The following LRGUK variants were observed in gnomAD, a reference collection of about 807,000 sequenced individuals.
The protein encoded by LRGUK is leucine-rich repeat and guanylate kinase domain-containing protein.
Under a neutral mutation model 76.0 loss-of-function variants are expected in LRGUK, and 65 were observed. The ratio of observed to expected loss-of-function variants is 0.85; its 90% CI spans 0.70 to 1.05. The LOEUF (loss-of-function observed/expected upper bound fraction) is 1.05. Ranked by LOEUF, LRGUK falls within the 50% of genes least tolerant of loss-of-function variation. The probability of loss-of-function intolerance (pLI) is 0.00; values close to 1 mark genes in which losing one functional copy is unlikely to be tolerated. For missense variants in LRGUK, 758 were observed against 732.8 expected, an observed-to-expected ratio of 1.03 and a Z score of -0.40; for synonymous variants, 268 against 265.6, an observed-to-expected ratio of 1.01 and a Z score of -0.09.
chr7:134,198,023 T>G lies in LRGUK; in HGVS notation c.1545+918T>G, dbSNP rs750405801. 3.5e-4 allele frequency among the ~76,000 whole-genome samples: 53 copies of G among 152,218 alleles called. 3 individuals carry two copies. Among genetic ancestry groups the G allele is most frequent in the Non-Finnish European group, 2.9e-5 (2 of 68,040 alleles). On this transcript the variant is annotated intron_variant, in intron 13 of 15. Coordinates refer to ENST00000645682, the Ensembl canonical transcript of LRGUK. ...GATGTCAACTCTGAATCTTTCTTTTTTCCTTTGTGACTTCACACAGTAGGA... is the reference window on the plus strand; with the variant it reads ...GATGTCAACTCTGAATCTTTCTTTTGTCCTTTGTGACTTCACACAGTAGGA...
chr7:134,198,186 G>A (rs921938288), intron 13 of LRGUK, among the ~76,000 whole-genome samples: 4 of 152,142 alleles, frequency 2.6e-5, no homozygotes, highest in South Asian at 2.1e-4. Context: ...GTATCTTTAA[G>A]GAATGTTTTC....
intron 12 of LRGUK, among the ~76,000 whole-genome samples, chr7:134,194,430 A>G (rs928126364): frequency 6.6e-6 from 1 of 152,294 alleles, no homozygotes; most frequent in South Asian, 2.1e-4. Flanking sequence ...AGAGAAACAG[A>G]ATCAATAGGA....
intron 16 of LRGUK, among the ~76,000 whole-genome samples, chr7:134,232,809 A>G (rs1801933454): frequency 6.6e-6 from 1 of 152,104 alleles, no homozygotes; most frequent in African/African-American, 2.4e-5. Flanking sequence ...TATCCAATTT[A>G]CTCATTTTCT....
In LRGUK at chr7:134,174,610, C is replaced by T; in HGVS notation, c.994C>T (p.Leu332Phe). The T allele has an allele frequency of 1.9e-6, 3 of 1,604,092 alleles. 1 individual carries two copies. In the East Asian group the frequency reaches 6.7e-5, roughly 36 times the overall value. Reference sequence around the variant, plus strand: ...TAAAAATTTACCCATCCTTCGAGTTCTCAATCTTCTAGAAAATCCAATTCA... The same window carrying T: ...TAAAAATTTACCCATCCTTCGAGTTTTCAATCTTCTAGAAAATCCAATTCA... The change falls in exon 8 of 16, where the codon CTC (leucine) becomes TTC (phenylalanine). Residue 332 changes from leucine to phenylalanine, a missense_variant. By Grantham distance (22) the Leu-to-Phe change is conservative. Coordinates refer to ENST00000645682, the Ensembl canonical transcript of LRGUK.
chr7:134,211,524 A>G (rs1801270523), downstream of LRGUK, among the ~76,000 whole-genome samples: 2 of 152,234 alleles, frequency 1.3e-5, no homozygotes, highest in South Asian at 2.1e-4. Context: ...GGAAGAAGAC[A>G]TATTTTGCAT....
At position 134,131,388 on chromosome 7, in the gene LRGUK, C is replaced by A. The variant is rs73454637; in HGVS notation, c.297+3724C>A. Among the ~76,000 whole-genome samples the A allele has an allele frequency of 4.0e-3, 602 of 152,316 alleles. 3 individuals are homozygous for A. The highest frequency in any genetic ancestry group is 0.014 in the African/African-American group (589 of 41,560). Reference sequence around the variant, plus strand: ...AAGTGAGATAAGAATGCGAGTAAATCATAGCAATTCAGCATACCTGTAGTA... The same window carrying A: ...AAGTGAGATAAGAATGCGAGTAAATAATAGCAATTCAGCATACCTGTAGTA... On this transcript the variant is annotated intron_variant, in intron 1 of 15. Coordinates refer to ENST00000645682, the Ensembl canonical transcript of LRGUK.
chr7:134,175,331 T>C (rs907457798), intron 8 of LRGUK, among the ~76,000 whole-genome samples: 1 of 152,232 alleles, frequency 6.6e-6, no homozygotes, highest in Non-Finnish European at 1.5e-5. Flanking sequence ...CATGTAGCTC[T>C]TAGTAACTTT....
intron 7 of LRGUK, among the ~76,000 whole-genome samples, chr7:134,174,205 G>A (rs150716857): frequency 6.6e-5 from 10 of 152,152 alleles, no homozygotes; most frequent in Non-Finnish European, 8.8e-5. Context: ...TAGGAATGGC[G>A]GTGGGGTGGG....
At chr7:134,235,864 G>A (rs1802001690) in intron 16 of LRGUK, among the ~76,000 whole-genome samples, 1 of 152,056 alleles carries the variant, frequency 6.6e-6, no homozygotes. Flanking sequence ...GATTAAAGGG[G>A]TTAGTTGACA....
At chr7:134,191,855 G>T in intron 12 of LRGUK, 104 bp downstream of exon 12, 4 of 801,182 alleles carry the variant, frequency 5.0e-6, no homozygotes, top group Non-Finnish European at 7.6e-6. Context: ...TAAATTTTGT[G>T]CTTGTTATGA....
intron 2 of LRGUK, among the ~76,000 whole-genome samples, chr7:134,137,880 T>A (rs1419427717): frequency 6.6e-6 from 1 of 152,186 alleles, no homozygotes. Context: ...CATTGAAATT[T>A]TACCATGGCA....
the LRGUK span, among the ~76,000 whole-genome samples, chr7:134,270,413 C>T: frequency 6.6e-6 from 1 of 152,156 alleles, no homozygotes; most frequent in African/African-American, 2.4e-5. Flanking sequence ...ACTCTAAGCC[C>T]ATAATATATC....
At chr7:134,209,600 C>A in exon 16 of LRGUK, 1 of 399,046 alleles carries the variant, frequency 2.5e-6, no homozygotes, top group Non-Finnish European at 4.4e-6. Flanking sequence ...GAGGCCCACA[C>A]CCAAACTCCT....
chr7:134,247,028 G>A (rs1802319643), intron 16 of LRGUK, among the ~76,000 whole-genome samples: 1 of 152,076 alleles, frequency 6.6e-6, no homozygotes, highest in Admixed American at 6.6e-5. Context: ...CCTTTTGAAT[G>A]CAGAGACTAT....
At chr7:134,269,966 C>T in the LRGUK span, among the ~76,000 whole-genome samples, 1 of 152,138 alleles carries the variant, frequency 6.6e-6, no homozygotes. Flanking sequence ...AGAACAGCTA[C>T]AAAATACCTA....
chr7:134,208,774 G>T (rs1801112117), exon 16 of LRGUK: 1 of 398,882 alleles, frequency 2.5e-6, no homozygotes. Context: ...CCAGGTGCTT[G>T]GCGAAACTGC....
chr7:134,151,995 G>T (rs1798242085), intron 5 of LRGUK, among the ~76,000 whole-genome samples: 1 of 151,982 alleles, frequency 6.6e-6, no homozygotes, highest in African/African-American at 2.4e-5. Context: ...TAGGATGTCT[G>T]CCATTGCCAC....
chr7:134,163,649 T>A, intron 7 of LRGUK, 109 bp downstream of exon 7: 2 of 962,390 alleles, frequency 2.1e-6, no homozygotes, highest in Non-Finnish European at 2.8e-6. Flanking sequence ...ACACATTAAA[T>A]GTCAGCTTAG....
intron 7 of LRGUK, among the ~76,000 whole-genome samples, chr7:134,166,569 A>C (rs1411020599): frequency 6.6e-6 from 1 of 152,164 alleles, no homozygotes; most frequent in Non-Finnish European, 1.5e-5. Flanking sequence ...GAGGATTCAC[A>C]AGGTAATACT....
Sources: gnomAD v4.1 joint callset for allele counts (sites outside exome capture counted in the v4.1 genomes callset) on GRCh38, gnomAD v4.1.1 for gene constraint, MANE v1.5 for transcripts, NCBI Gene and HGNC (gene_info 2026-07-23, HGNC 2026-07-21) for gene names.